The following KIF6 variants were observed in gnomAD, a reference collection of about 807,000 sequenced individuals.
KIF6 encodes the protein kinesin-like protein KIF6.
Under a neutral mutation model 112.7 loss-of-function variants are expected in KIF6, and 106 were observed. The ratio of observed to expected loss-of-function variants is 0.94; its 90% CI spans 0.80 to 1.11. The LOEUF (loss-of-function observed/expected upper bound fraction) is 1.11, where lower values mean the gene tolerates loss of function less well. Ranked by LOEUF, KIF6 falls within the 50% of genes least tolerant of loss-of-function variation. The pLI, the probability that KIF6 is intolerant of heterozygous loss-of-function variation, is 0.00. For synonymous variants in KIF6, 339 were observed against 339.9 expected, an observed-to-expected ratio of 1.00 and a Z score of 0.03; for missense variants, 929 against 964.0, an observed-to-expected ratio of 0.96 and a Z score of 0.48.
intron 10 of KIF6, among the ~76,000 whole-genome samples, chr6:39,558,744 GA>G (rs1561809328): frequency 6.6e-6 from 1 of 152,150 alleles, no homozygotes; most frequent in Non-Finnish European, 1.5e-5. Flanking sequence ...TAGGCCAAAA[GA>G]ATCCAACATA....
At chr6:39,542,760 G>T (rs1778857935) in intron 12 of KIF6, among the ~76,000 whole-genome samples, 1 of 152,188 alleles carries the variant, frequency 6.6e-6, no homozygotes, top group South Asian at 2.1e-4. Flanking sequence ...AGTGCTCAAA[G>T]CACTTATGGG....
At chr6:39,551,461 AT>A (rs1161214105) in intron 10 of KIF6, among the ~76,000 whole-genome samples, 4 of 152,150 alleles carry the variant, frequency 2.6e-5, no homozygotes, top group African/African-American at 9.7e-5. Context: ...ACAATAATTT[AT>A]TGTATATTTC....
At chr6:39,606,396 G>A (rs1423809236) in intron 6 of KIF6, among the ~76,000 whole-genome samples, 1 of 152,068 alleles carries the variant, frequency 6.6e-6, no homozygotes, top group African/African-American at 2.4e-5. Flanking sequence ...GCCTTCAGAT[G>A]TATGTTCCTT....
At chr6:39,449,527 T>C (rs966616152) in intron 13 of KIF6, among the ~76,000 whole-genome samples, 1 of 152,230 alleles carries the variant, frequency 6.6e-6, no homozygotes, top group Non-Finnish European at 1.5e-5. Context: ...AGTTTGCAGC[T>C]CCCTTGTCCC....
chr6:39,724,222 G>A (rs984822204), intron 1 of KIF6, among the ~76,000 whole-genome samples: 1 of 152,146 alleles, frequency 6.6e-6, no homozygotes, highest in African/African-American at 2.4e-5. Context: ...AGGCCGAGGC[G>A]GGCGGATCAC....
At chr6:39,568,968 G>T (rs995975582) in intron 10 of KIF6, among the ~76,000 whole-genome samples, 1 of 151,484 alleles carries the variant, frequency 6.6e-6, no homozygotes, top group African/African-American at 2.4e-5. Flanking sequence ...CTCTCTCTCT[G>T]TCTCTCTCCA....
chr6:39,505,650 TA>T (rs1776381042), intron 13 of KIF6, among the ~76,000 whole-genome samples: 1 of 152,060 alleles, frequency 6.6e-6, no homozygotes, highest in Non-Finnish European at 1.5e-5. Context: ...TAAACAAATT[TA>T]GAAGAAAACA....
intron 3 of KIF6, among the ~76,000 whole-genome samples, chr6:39,650,788 G>C (rs138566797): frequency 2.6e-5 from 4 of 151,796 alleles, no homozygotes; most frequent in Non-Finnish European, 4.4e-5. Flanking sequence ...GGTTACTTTG[G>C]GTTTCTTTTA....
chr6:39,584,368 A>G (rs778149165), intron 9 of KIF6, among the ~76,000 whole-genome samples: 7 of 137,934 alleles, frequency 5.1e-5, no homozygotes, highest in Non-Finnish European at 1.1e-4. Context: ...CAGTGAGCCA[A>G]GATTGCACCA....
intron 16 of KIF6, among the ~76,000 whole-genome samples, chr6:39,379,275 G>A (rs1766716904): frequency 1.3e-5 from 2 of 152,160 alleles, no homozygotes; most frequent in African/African-American, 4.8e-5. Flanking sequence ...GAGTCCAAAA[G>A]CACTTATGCC....
chr6:39,393,278 C>T (rs939026941), intron 15 of KIF6, among the ~76,000 whole-genome samples: 5 of 152,194 alleles, frequency 3.3e-5, no homozygotes, highest in Admixed American at 6.5e-5. Context: ...AGGGTGAGTG[C>T]GTGGACTCTG....
At chr6:39,490,844 TATA>T (rs1775440336) in intron 13 of KIF6, among the ~76,000 whole-genome samples, 1 of 152,142 alleles carries the variant, frequency 6.6e-6, no homozygotes, top group South Asian at 2.1e-4. Context: ...CCCCACCCTG[TATA>T]ATAAGAGTAA....
intron 3 of KIF6, among the ~76,000 whole-genome samples, chr6:39,669,460 C>T (rs181009911): frequency 5.1e-4 from 77 of 152,346 alleles, no homozygotes; most frequent in African/African-American, 1.7e-3. Flanking sequence ...CTAAGTTTCA[C>T]GTCTTTGAGG....
At chr6:39,354,063 G>T in intron 19 of KIF6, 2 of 300,228 alleles carry the variant, frequency 6.7e-6, no homozygotes, top group South Asian at 3.0e-5. Context: ...TCCTGAGAAC[G>T]GTCACGTGGA....
chr6:39,559,882 G>A (rs768468733), intron 10 of KIF6, among the ~76,000 whole-genome samples: 1 of 150,014 alleles, frequency 6.7e-6, no homozygotes, highest in Non-Finnish European at 1.5e-5. Context: ...TGTTTTTAAG[G>A]CAAAACTATT....
chr6:39,553,864 G>A (rs906278041), intron 10 of KIF6: 4 of 153,108 alleles, frequency 2.6e-5, no homozygotes, highest in Non-Finnish European at 4.4e-5. Context: ...CCTTAAGTGG[G>A]ATACGAGAAG....
chr6:39,642,314 C>A (rs1252003431), intron 3 of KIF6, among the ~76,000 whole-genome samples: 1 of 152,140 alleles, frequency 6.6e-6, no homozygotes, highest in African/African-American at 2.4e-5. Flanking sequence ...AACAGCTAAA[C>A]TCAGTAGGAA....
chr6:39,408,395 C>T (rs985008833), intron 15 of KIF6, among the ~76,000 whole-genome samples: 2 of 152,072 alleles, frequency 1.3e-5, no homozygotes, highest in Non-Finnish European at 2.9e-5. Context: ...GAAACATTCA[C>T]ATTTGTACAC....
chr6:39,559,672 T>G (rs1192119167), intron 10 of KIF6, among the ~76,000 whole-genome samples: 1 of 152,150 alleles, frequency 6.6e-6, no homozygotes, highest in Non-Finnish European at 1.5e-5. Flanking sequence ...AATAATATGC[T>G]ATCTCATTTA....
Sources: allele counts gnomAD v4.1 joint callset (sites outside exome capture counted in the v4.1 genomes callset), GRCh38; gene constraint gnomAD v4.1.1; transcripts MANE v1.5; gene names NCBI Gene and HGNC (gene_info 2026-07-23, HGNC 2026-07-21).